STAB2: variants seen among roughly 807,000 people sequenced by gnomAD.
STAB2 encodes the protein stabilin-2.
Under a neutral mutation model 338.1 loss-of-function variants are expected in STAB2, and 288 were observed. The ratio of observed to expected loss-of-function variants is 0.85; its 90% CI spans 0.77 to 0.94. The LOEUF is 0.94. Ranked by LOEUF, STAB2 falls within the 40% of genes least tolerant of loss-of-function variation. STAB2 has a pLI of 0.00. For missense variants in STAB2, 3,141 were observed against 3,210.1 expected, an observed-to-expected ratio of 0.98 and a Z score of 0.52; for synonymous variants, 1,202 against 1,193.3, an observed-to-expected ratio of 1.01 and a Z score of -0.15.
chr12:103,676,367 T>C (rs776617676), intron 24 of STAB2, among the ~76,000 whole-genome samples: 1 of 152,192 alleles, frequency 6.6e-6, no homozygotes, highest in Non-Finnish European at 1.5e-5. Flanking sequence ...CTGCCTGGTT[T>C]CTTGTTGGCT....
chr12:103,752,186 A>G (rs888702462), intron 60 of STAB2, among the ~76,000 whole-genome samples: 3 of 152,254 alleles, frequency 2.0e-5, no homozygotes, highest in Non-Finnish European at 4.4e-5. Context: ...AATTAGAAAT[A>G]ACATATATAT....
chr12:103,593,741 T>G (rs1593118346), intron 2 of STAB2, among the ~76,000 whole-genome samples: 2 of 152,336 alleles, frequency 1.3e-5, no homozygotes, highest in Admixed American at 1.3e-4. Flanking sequence ...TGAAGGATTG[T>G]CTCTAGATAC....
At chr12:103,656,894 G>A (rs1874229349) in intron 15 of STAB2, among the ~76,000 whole-genome samples, 3 of 150,282 alleles carry the variant, frequency 2.0e-5, no homozygotes, top group Admixed American at 2.0e-4. Flanking sequence ...CACCTTGTTA[G>A]CCAGGATGGT....
chr12:103,758,482 G>C (rs574549147), intron 64 of STAB2, among the ~76,000 whole-genome samples, 193 bp downstream of exon 64: 1 of 152,310 alleles, frequency 6.6e-6, no homozygotes, highest in African/African-American at 2.4e-5. Flanking sequence ...TGCTCTAGCT[G>C]GGCCATCAAT....
At chr12:103,660,854 C>A in intron 17 of STAB2, 91 bp downstream of exon 17, 1 of 1,338,354 alleles carries the variant, frequency 7.5e-7, no homozygotes, top group Non-Finnish European at 1.1e-6. Flanking sequence ...TCTATGCTAA[C>A]TCATGGGCTT....
intron 36 of STAB2, among the ~76,000 whole-genome samples, chr12:103,705,301 T>G (rs1353506060): frequency 6.6e-6 from 1 of 152,222 alleles, no homozygotes; most frequent in Non-Finnish European, 1.5e-5. Flanking sequence ...AAACCAAAGT[T>G]CAGTTGAGTC....
At chr12:103,667,144 A>C (rs2138795062) in intron 19 of STAB2, among the ~76,000 whole-genome samples, 1 of 152,362 alleles carries the variant, frequency 6.6e-6, no homozygotes, top group African/African-American at 2.4e-5. Context: ...TAAGGTTATG[A>C]GCTCTTTAAT....
chr12:103,661,335 G>A (rs769688484), intron 17 of STAB2, among the ~76,000 whole-genome samples: 1 of 152,104 alleles, frequency 6.6e-6, no homozygotes, highest in African/African-American at 2.4e-5. Context: ...CCCTGGGGTT[G>A]CAATATGAAC....
At chr12:103,626,740 C>T (rs1957386531) in intron 5 of STAB2, among the ~76,000 whole-genome samples, 1 of 152,322 alleles carries the variant, frequency 6.6e-6, no homozygotes, top group Non-Finnish European at 1.5e-5. Flanking sequence ...GGTGGCCATT[C>T]TGCCTGTAAG....
At chr12:103,591,301 A>G (rs1346149776) in intron 2 of STAB2, among the ~76,000 whole-genome samples, 1 of 152,036 alleles carries the variant, frequency 6.6e-6, no homozygotes, top group Non-Finnish European at 1.5e-5. Flanking sequence ...CCTGTCCAAC[A>G]TGGTGAAAAC....
Position 103,740,682 on chromosome 12 carries a change from G to T in STAB2, c.5807G>T (p.Gly1936Val). 1 of 1,611,640 alleles carries T rather than the reference G, an allele frequency of 6.2e-7. No individual in the cohort carries two copies. Among genetic ancestry groups the T allele is most frequent in the East Asian group, 2.2e-5 (1 of 44,750 alleles). Residue 1936 changes from glycine (G) to valine (V), a missense_variant, in exon 55 of 69, where the codon GGC (glycine) becomes GTC (valine). Coordinates refer to ENST00000388887, the MANE Select transcript of STAB2 (RefSeq NM_017564.10). Reference protein sequence around the residue: ...YNLPFKRNLEGCRERCSLVIQ... With the variant: ...YNLPFKRNLEVCRERCSLVIQ... ...CTGCCCTTCAAGAGGAACCTGGAAG[G>T]CTGCCGGGAGCGGTGCAGCCTGGTG...
intron 47 of STAB2, among the ~76,000 whole-genome samples, chr12:103,728,541 A>G (rs1297864484): frequency 6.6e-6 from 1 of 152,236 alleles, no homozygotes; most frequent in African/African-American, 2.4e-5. Flanking sequence ...TCACAAGAAA[A>G]TTCTTTTTTG....
At chr12:103,636,767 C>T (rs550197804) in intron 6 of STAB2, among the ~76,000 whole-genome samples, 131 of 152,200 alleles carry the variant, frequency 8.6e-4, no homozygotes, top group African/African-American at 3.0e-3. Context: ...GTCACACCTA[C>T]CTTTTGAAAT....
intron 24 of STAB2, 129 bp from the exon 25 acceptor site, chr12:103,677,324 A>G: frequency 7.9e-7 from 1 of 1,271,414 alleles, no homozygotes; most frequent in Non-Finnish European, 1.1e-6. Context: ...AATGTAAATT[A>G]AGCATTTCCA....
At chr12:103,671,221 G>C (rs1402922275) in intron 22 of STAB2, among the ~76,000 whole-genome samples, 1 of 152,164 alleles carries the variant, frequency 6.6e-6, no homozygotes, top group Non-Finnish European at 1.5e-5. Flanking sequence ...GGAGGCTGAG[G>C]TGGGTGGATC....
Position 103,682,148 on chromosome 12 carries a change from C to G in STAB2, c.2806-1057C>G, listed in dbSNP as rs73189870. 9.1e-3 allele frequency among the ~76,000 whole-genome samples: 1,148 copies of G among 126,390 alleles called. 11 individuals are homozygous for G. The highest frequency in any genetic ancestry group is 0.016 in the Middle Eastern group (4 of 258). The allele number at this position is 126,390 out of a possible 152,430, so 82.9% of individuals were successfully genotyped here. A position where few individuals can be genotyped will look rare whatever the true frequency, so the allele number is the denominator to read the frequency against. ...TCTGTAGACAAACTTGAAAAACATC[C>G]TGATGGGAAGATGGGAAGATGGGAA... On this transcript the variant is annotated intron_variant, in intron 25 of 68. Transcript: ENST00000388887.
intron 27 of STAB2, among the ~76,000 whole-genome samples, chr12:103,687,404 G>A (rs697204): frequency 0.45 from 67,777 of 151,386 alleles, 15,183 homozygotes; most frequent in East Asian, 0.54. Flanking sequence ...TTTCAAGGCC[G>A]AACTTCCCCT....
chr12:103,620,925 C>T (rs1187827205), intron 4 of STAB2, among the ~76,000 whole-genome samples: 2 of 152,082 alleles, frequency 1.3e-5, no homozygotes, highest in African/African-American at 2.4e-5. Context: ...GGTGAAACCC[C>T]GTCTCCACTA....
rs1004164084 is a variant in STAB2, at chr12:103,648,703, A to C, written c.1054A>C (p.Lys352Gln). The C allele has an allele frequency of 1.2e-6, 2 of 1,613,872 alleles. No homozygotes were observed. Among genetic ancestry groups the C allele is most frequent in the Non-Finnish European group, 1.7e-6 (2 of 1,179,916 alleles). ...APGRTECICQ[K>Q]GYVGDGLTCY... The stretch of plus-strand genomic sequence containing the variant: ...CCCTCTCTGTAGATGCATTTGCCAG[A>C]AAGGTTACGTGGGTGATGGCTTAAC... Residue 352 changes from lysine to glutamine, a missense_variant, in exon 10 of 69, where the codon AAA becomes CAA. Physicochemically the swap from Lys to Gln is moderately conservative, Grantham distance 53. Transcript: ENST00000388887.
Sources: allele counts gnomAD v4.1 joint callset (sites outside exome capture counted in the v4.1 genomes callset), GRCh38; gene constraint gnomAD v4.1.1; transcripts MANE v1.5; gene names NCBI Gene and HGNC (gene_info 2026-07-23, HGNC 2026-07-21).